The following TCN2 variants were observed in gnomAD, a reference collection of about 807,000 sequenced individuals.
TCN2 encodes transcobalamin 2, also known as transcobalamin-2.
In TCN2, 34 loss-of-function variants were observed where a neutral mutation model predicts 48.6. The ratio of observed to expected loss-of-function variants is 0.70; its 90% CI spans 0.53 to 0.93. The LOEUF is 0.93. Ranked by LOEUF, TCN2 falls within the 40% of genes least tolerant of loss-of-function variation. The pLI, the probability that TCN2 is intolerant of heterozygous loss-of-function variation, is 0.00. For missense variants in TCN2, 652 were observed against 526.1 expected (o/e 1.24, Z -2.34); for synonymous variants, 283 against 212.5 (o/e 1.33, Z -2.89).
chr22:30,611,250 T>A, intron 2 of TCN2, 187 bp downstream of exon 2: 2 of 705,316 alleles, frequency 2.8e-6, no homozygotes, highest in Non-Finnish European at 5.0e-6. Flanking sequence ...GAGATGCTAA[T>A]GCAAGGCTCC....
Position 30,615,791 on chromosome 22 carries a change from G to A in TCN2, c.940+4G>A, listed in dbSNP as rs373551680. ...CCAGACTGTCTGGCACCACGAGGTA[G>A]CCCAACTTTTTGTGGAAGCACAGCC... On this transcript the variant is annotated splice_donor_region_variant and intron_variant, in intron 6 of 8. Transcript: ENST00000215838. 5 of 1,614,082 alleles carry A rather than the reference G, an allele frequency of 3.1e-6. No individual in the cohort carries two copies. In the African/African-American group the frequency reaches 5.3e-5, roughly 17 times the overall value.
intron 7 of TCN2, among the ~76,000 whole-genome samples, chr22:30,619,248 T>A (rs1249841770): frequency 6.6e-6 from 1 of 152,136 alleles, no homozygotes; most frequent in Non-Finnish European, 1.5e-5. Flanking sequence ...CAAATATTTT[T>A]TTAAAATTTT....
At position 30,612,981 on chromosome 22, in the gene TCN2, C is replaced by T; in HGVS notation, c.366C>T (p.His122=). 1.2e-6 allele frequency: 2 copies of T among 1,614,180 alleles called. No homozygotes were observed. The highest frequency in any genetic ancestry group is 1.6e-4 in the Middle Eastern group (1 of 6,062). Residue 122 remains histidine, a synonymous_variant, in exon 3 of 9, where the codon CAC becomes CAT. Transcript: ENST00000215838. ...CCAACTGTGAGTTTGTCAGGGGCCA[C>T]AAGGGGGACAGGCTGGTCTCACAGC... is the stretch of plus-strand genomic sequence containing the variant. ...LRANCEFVRG[H]KGDRLVSQLK...
chr22:30,611,000 C>T lies in TCN2; in HGVS notation c.194C>T (p.Ala65Val). ...YVGLRLSSLQAGTKEDLYLHS... is the reference protein window; with the variant it reads ...YVGLRLSSLQVGTKEDLYLHS... ...GGCCTACGCCTCTCCAGTCTGCAGG[C>T]TGGGACCAAGGAAGACCTCTACCTG... Residue 65 changes from alanine to valine, a missense_variant, in exon 2 of 9, where the codon GCT (alanine) becomes GTT (valine). Transcript: ENST00000215838. 1 of 1,614,206 alleles carries T rather than the reference C, an allele frequency of 6.2e-7. No individual in the cohort carries two copies. Among genetic ancestry groups the T allele is most frequent in the Non-Finnish European group, 8.5e-7 (1 of 1,180,030 alleles).
At chr22:30,625,844 A>T (rs562063013) in intron 8 of TCN2, among the ~76,000 whole-genome samples, 149 of 152,270 alleles carry the variant, frequency 9.8e-4, no homozygotes, top group African/African-American at 3.4e-3. Context: ...AGGCCTCCTG[A>T]TACCATCACC....
At chr22:30,617,277 A>T in intron 6 of TCN2, 53 bp from the exon 7 acceptor site, 1 of 1,612,198 alleles carries the variant, frequency 6.2e-7, no homozygotes, top group Non-Finnish European at 8.5e-7. Flanking sequence ...AAGACAAATA[A>T]TCCAGGCTCT....
In TCN2 at chr22:30,612,928, C is replaced by G. The variant is rs751321194; in HGVS notation, c.313C>G (p.Leu105Val). Residue 105 changes from leucine (L) to valine (V), a missense_variant, in exon 3 of 9, where the codon CTG becomes GTG. By Grantham distance (32) the Leu-to-Val change is conservative. Transcript: ENST00000215838. ...DCQGKPSMGQ[L>V]ALYLLALRAN... ...CCAGGGCAAGCCTTCCATGGGCCAG[C>G]TGGCCCTCTACCTGCTCGCTCTCAG... 3 of 1,614,214 alleles carry G rather than the reference C, an allele frequency of 1.9e-6. No homozygotes were observed. Among genetic ancestry groups the G allele is most frequent in the South Asian group, 1.1e-5 (1 of 91,088 alleles).
chr22:30,607,413 A>G lies in TCN2; in HGVS notation c.64+18A>G, dbSNP rs780327616. 3 of 1,613,730 alleles carry G rather than the reference A, an allele frequency of 1.9e-6. No individual in the cohort carries two copies. In the African/African-American group the frequency reaches 4.0e-5, roughly 22 times the overall value. On this transcript the variant is annotated intron_variant, in intron 1 of 8. Coordinates refer to ENST00000215838, the MANE Select transcript of TCN2 (RefSeq NM_000355.4). ...GATGTGTGGTGAGTAACTCGCCTCT[A>G]TCCTGTGCCTCTTTCCTCCTGGGTC...
chr22:30,615,762 C>A lies in TCN2; in HGVS notation c.915C>A (p.Ile305=), dbSNP rs911038185. Reference sequence around the variant, plus strand: ...ACCACAAGACCTACATTGATCTGATCTTCCCAGACTGTCTGGCACCACGAG... The same window carrying A: ...ACCACAAGACCTACATTGATCTGATATTCCCAGACTGTCTGGCACCACGAG... ...VLNHKTYIDL[I]FPDCLAPRVM... Residue 305 remains isoleucine (I), a synonymous_variant, in exon 6 of 9, where the codon ATC becomes ATA. Transcript: ENST00000215838. 6.2e-7 allele frequency: 1 copy of A among 1,614,222 alleles called. No homozygotes were observed. The highest frequency in any genetic ancestry group is 1.3e-5 in the African/African-American group (1 of 75,056).
intron 8 of TCN2, among the ~76,000 whole-genome samples, chr22:30,624,573 T>C (rs1029443662): frequency 2.0e-5 from 3 of 151,984 alleles, no homozygotes; most frequent in African/African-American, 7.3e-5. Flanking sequence ...AATTGAGGAA[T>C]AAAAAATAGG....
At chr22:30,611,188 A>G in intron 2 of TCN2, 125 bp downstream of exon 2, 1 of 1,147,880 alleles carries the variant, frequency 8.7e-7, no homozygotes, top group Non-Finnish European at 1.3e-6. Flanking sequence ...CATCTATAGA[A>G]TGGAGGACCT....
At chr22:30,617,676 C>T (rs982127476) in intron 7 of TCN2, 181 bp downstream of exon 7, 2 of 800,686 alleles carry the variant, frequency 2.5e-6, no homozygotes, top group African/African-American at 3.4e-5. Flanking sequence ...AGCCATAGGC[C>T]AGCATTGTCA....
intron 8 of TCN2, among the ~76,000 whole-genome samples, chr22:30,624,413 T>C (rs5753252): frequency 0.7 from 106,730 of 151,910 alleles, 39,114 homozygotes; most frequent in African/African-American, 0.92. Context: ...CCTACTCTTG[T>C]TATTTAAGTT....
intron 7 of TCN2, among the ~76,000 whole-genome samples, chr22:30,620,953 A>G (rs2087687925): frequency 1.3e-5 from 2 of 152,212 alleles, no homozygotes; most frequent in Non-Finnish European, 2.9e-5. Flanking sequence ...TCCTTAGAAC[A>G]GTAGTTTCCC....
intron 1 of TCN2, among the ~76,000 whole-genome samples, chr22:30,607,796 A>AG (rs1481930349): frequency 3.3e-5 from 5 of 151,974 alleles, no homozygotes; most frequent in Admixed American, 1.3e-4. Flanking sequence ...CTGAGGCGGG[A>AG]GGGGAGGATC....
At position 30,617,402 on chromosome 22, in the gene TCN2, G is replaced by A; in HGVS notation, c.1013G>A (p.Ser338Asn). 1 of 1,614,150 alleles carries A rather than the reference G, an allele frequency of 6.2e-7. No homozygotes were observed. Among genetic ancestry groups the A allele is most frequent in the Non-Finnish European group, 8.5e-7 (1 of 1,180,030 alleles). ...ATCAGTGTCACGCTGCAGGTGCTTA[G>A]TCTCTTGCCGCCGTACAGACAGTCC... ...EIISVTLQVL[S>N]LLPPYRQSIS... is the part of the protein sequence containing the mutation. The change falls in exon 7 of 9, where the codon AGT becomes AAT. Residue 338 changes from serine to asparagine, a missense_variant. Transcript: ENST00000215838.
rs745306636 is a variant in TCN2 at position 30,615,693 on chromosome 22, C to T, written c.846C>T (p.Ala282=). ...VALLASLQDG[A]FQNALMISQL... is the part of the protein sequence containing the mutation. ...TGCTGGCCAGTCTGCAGGATGGAGC[C>T]TTCCAGAATGCTCTCATGATTTCCC... The change falls in exon 6 of 9, where the codon GCC becomes GCT. Residue 282 remains alanine (A), a synonymous_variant. Coordinates refer to ENST00000215838, the MANE Select transcript of TCN2 (RefSeq NM_000355.4). The T allele has an allele frequency of 2.5e-5, 41 of 1,614,114 alleles. No homozygotes were observed. The highest frequency in any genetic ancestry group is 3.2e-5 in the Non-Finnish European group (38 of 1,180,056).
At chr22:30,624,897 A>G (rs1292590655) in intron 8 of TCN2, among the ~76,000 whole-genome samples, 1 of 152,244 alleles carries the variant, frequency 6.6e-6, no homozygotes, top group East Asian at 1.9e-4. Context: ...CTATTACAAA[A>G]TACCATAAAC....
At chr22:30,618,253 A>G (rs1349352446) in intron 7 of TCN2, among the ~76,000 whole-genome samples, 1 of 134,912 alleles carries the variant, frequency 7.4e-6, no homozygotes, top group Non-Finnish European at 1.5e-5. Flanking sequence ...CTCAGCCAGA[A>G]TAATAACTGG....
Sources: allele counts gnomAD v4.1 joint callset (sites outside exome capture counted in the v4.1 genomes callset), GRCh38; gene constraint gnomAD v4.1.1; transcripts MANE v1.5; gene names NCBI Gene and HGNC (gene_info 2026-07-23, HGNC 2026-07-21).